The following HYDIN variants were observed in gnomAD, a reference collection of about 807,000 sequenced individuals.
HYDIN encodes HYDIN axonemal central pair apparatus protein, also known as axonemal central pair apparatus protein HYDIN.
In HYDIN, 132 loss-of-function variants were observed where a neutral mutation model predicts 403.9. The observed-to-expected ratio is 0.33, with a 90% CI of 0.28 to 0.38. The LOEUF is 0.38. Ranked by LOEUF, HYDIN falls within the 10% of genes least tolerant of loss-of-function variation. The pLI is 1.00. For synonymous variants in HYDIN, 1,202 were observed against 1,891.7 expected, an observed-to-expected ratio of 0.64 and a Z score of 9.46; for missense variants, 2,827 against 5,009.5, an observed-to-expected ratio of 0.56 and a Z score of 13.15.
chr16:71,027,828 C>T lies in HYDIN; in HGVS notation c.2816G>A (p.Arg939Gln), dbSNP rs1335089072. ...ATTCATCCAGAACAACTGTTGGATCCGACGTCCCTTGTTGATCAACTTAAA... is the reference window on the plus strand; with the variant it reads ...ATTCATCCAGAACAACTGTTGGATCTGACGTCCCTTGTTGATCAACTTAAA... ...YHFKLINKGR[R>Q]IQQLFWMNDS... The change falls in exon 20 of 86, where the codon CGG becomes CAG. Residue 939 changes from arginine to glutamine, a missense_variant. Coordinates refer to ENST00000393567, the MANE Select transcript of HYDIN (RefSeq NM_001270974.2). The T allele has an allele frequency of 1.5e-5, 13 of 856,590 alleles. No individual in the cohort carries two copies. The East Asian group carries it at 2.4e-4, about 16-fold the overall frequency. The allele number at this position is 856,590 out of a possible 1,614,324, so 53.1% of individuals were successfully genotyped here.
chr16:71,023,970 CA>C (rs2080592200), intron 21 of HYDIN, among the ~76,000 whole-genome samples: 2 of 152,328 alleles, frequency 1.3e-5, no homozygotes, highest in South Asian at 4.1e-4. Context: ...CAGCAAAGAT[CA>C]CACTGTGGGG....
rs191837117 is a variant in HYDIN, at chr16:70,951,357, T to C, written c.6531+1064A>G. ...TCCAGTCTTGGTTGGGCCATGATCA[T>C]TCCCAACTATTTATTCCTTGTCCAT... On this transcript the variant is annotated intron_variant, in intron 41 of 85. Transcript: ENST00000393567. Among the ~76,000 whole-genome samples, 10 of 151,442 alleles carry C rather than the reference T, an allele frequency of 6.6e-5. No individual in the cohort carries two copies. The East Asian group carries it at 2.0e-3, about 30-fold the overall frequency.
intron 1 of HYDIN, among the ~76,000 whole-genome samples, chr16:71,213,384 A>T (rs571838108): frequency 3.9e-5 from 6 of 152,308 alleles, no homozygotes; most frequent in Admixed American, 1.3e-4. Flanking sequence ...CAATATCAAC[A>T]TTTAAGTCAG....
At chr16:70,829,512 G>A in intron 81 of HYDIN, 106 bp downstream of exon 81, 2 of 821,730 alleles carry the variant, frequency 2.4e-6, no homozygotes, top group Non-Finnish European at 2.0e-6. Context: ...GGGATTACAG[G>A]CATGAGCCAC....
chr16:70,962,956 C>G (rs540499978), intron 37 of HYDIN, among the ~76,000 whole-genome samples: 12 of 151,538 alleles, frequency 7.9e-5, no homozygotes, highest in Non-Finnish European at 4.4e-5. Context: ...TGGGTTCCCT[C>G]TGCACCCACT....
In HYDIN at chr16:70,955,508, G is replaced by A. The variant is rs375756894; in HGVS notation, c.6183C>T (p.Asn2061=). 213 of 1,573,300 alleles carry A rather than the reference G, an allele frequency of 1.4e-4. No homozygotes were observed. The highest frequency in any genetic ancestry group is 6.8e-4 in the African/African-American group (50 of 73,520). ...ANAVSVAKYY[N]AACLSIDSIV... The stretch of plus-strand genomic sequence containing the variant: ...TGGAGTCGATGCTCAGGCAGGCTGC[G>A]TTGTAGTACTTGGCCACGCTAACGG... Residue 2061 remains asparagine, a synonymous_variant, in exon 40 of 86, where the codon AAC becomes AAT. Transcript: ENST00000393567.
intron 44 of HYDIN, among the ~76,000 whole-genome samples, chr16:70,937,121 A>C (rs574092780): frequency 1.3e-5 from 2 of 151,438 alleles, no homozygotes; most frequent in Non-Finnish European, 2.9e-5. Context: ...CATTTACTTC[A>C]TGGTGTGTGT....
chr16:71,068,013 T>C (rs1318671852), intron 14 of HYDIN, among the ~76,000 whole-genome samples: 1 of 151,402 alleles, frequency 6.6e-6, no homozygotes, highest in Non-Finnish European at 1.5e-5. Flanking sequence ...TCCAGCAAGT[T>C]GGAGTTAAGC....
At chr16:70,941,316 G>GT (rs1469234541) in intron 43 of HYDIN, 1 of 195,268 alleles carries the variant, frequency 5.1e-6, no homozygotes, top group Non-Finnish European at 1.0e-5. Flanking sequence ...TATTAGCACC[G>GT]TGAGTTTTAT....
chr16:71,055,947 C>T (rs562549621), intron 18 of HYDIN, among the ~76,000 whole-genome samples: 12 of 152,198 alleles, frequency 7.9e-5, no homozygotes, highest in Admixed American at 3.9e-4. Context: ...GGCATCTGTC[C>T]TCCAGCCCAG....
intron 39 of HYDIN, among the ~76,000 whole-genome samples, chr16:70,957,331 T>A (rs113544574): frequency 6.6e-6 from 1 of 150,576 alleles, no homozygotes; most frequent in East Asian, 1.9e-4. Flanking sequence ...CCTTCCTATT[T>A]TTTTTTTTTT....
At chr16:70,994,263 A>C (rs1306325956) in intron 23 of HYDIN, among the ~76,000 whole-genome samples, 11 of 101,050 alleles carry the variant, frequency 1.1e-4, no homozygotes, top group African/African-American at 3.9e-4. Flanking sequence ...GAATGGATGG[A>C]TGCATGGATG....
At chr16:71,107,382 G>A (rs976402615) in intron 10 of HYDIN, among the ~76,000 whole-genome samples, 6 of 151,020 alleles carry the variant, frequency 4.0e-5, no homozygotes, top group African/African-American at 1.5e-4. Context: ...ACTAAAGAGG[G>A]AAAACCCAAA....
At chr16:71,188,157 G>A (rs1005475633) in intron 1 of HYDIN, among the ~76,000 whole-genome samples, 4 of 152,170 alleles carry the variant, frequency 2.6e-5, no homozygotes, top group Non-Finnish European at 4.4e-5. Flanking sequence ...CCCAAGAAGA[G>A]GATTTCTATC....
chr16:71,101,752 T>C (rs558863667), intron 10 of HYDIN, among the ~76,000 whole-genome samples: 32 of 152,142 alleles, frequency 2.1e-4, no homozygotes, highest in Non-Finnish European at 3.8e-4. Flanking sequence ...GGTAGGAAAG[T>C]AGACTGGCAC....
Position 70,920,874 on chromosome 16 carries a change from G to C in HYDIN, c.7502C>G (p.Pro2501Arg). 6.2e-7 allele frequency: 1 copy of C among 1,607,726 alleles called. No individual in the cohort carries two copies. Among genetic ancestry groups the C allele is most frequent in the Non-Finnish European group, 8.5e-7 (1 of 1,176,682 alleles). The change falls in exon 46 of 86, where the codon CCC becomes CGC. Residue 2501 changes from proline to arginine, a missense_variant. Transcript: ENST00000393567. ...PHEPDDQRQV[P>R]LGGRRGRKDR... ...CTTGCGGCCCCTGCGCCCACCCAAGGGGACCTGGCGCTGGTCGTCGGGCTC... is the reference window on the plus strand; with the variant it reads ...CTTGCGGCCCCTGCGCCCACCCAAGCGGACCTGGCGCTGGTCGTCGGGCTC...
At position 70,901,695 on chromosome 16, in the gene HYDIN, C is replaced by T. The variant is rs1402621094; in HGVS notation, c.8850-493G>A. Among the ~76,000 whole-genome samples, 9 of 150,328 alleles carry T rather than the reference C, an allele frequency of 6.0e-5. No homozygotes were observed. The South Asian group carries it at 6.3e-4, about 11-fold the overall frequency. On this transcript the variant is annotated intron_variant, in intron 52 of 85. Transcript: ENST00000393567. ...CTGCCTCCCAGGCTCAAGCAATTCT[C>T]CTGCCTCAGCCTCCTGAGTAGCTGG... is the stretch of plus-strand genomic sequence containing the variant.
At chr16:70,990,430 A>G (rs2079312311) in intron 25 of HYDIN, among the ~76,000 whole-genome samples, 1 of 134,992 alleles carries the variant, frequency 7.4e-6, no homozygotes, top group African/African-American at 2.9e-5. Context: ...AAAAAAAAAA[A>G]AGCTTAGGTC....
At chr16:70,953,494 C>T in intron 40 of HYDIN, among the ~76,000 whole-genome samples, 1 of 152,092 alleles carries the variant, frequency 6.6e-6, no homozygotes, top group Non-Finnish European at 1.5e-5. Context: ...GGCTCTGGGG[C>T]CCTTTCCTTG....
Sources: gnomAD v4.1 joint callset for allele counts (sites outside exome capture counted in the v4.1 genomes callset) on GRCh38, gnomAD v4.1.1 for gene constraint, MANE v1.5 for transcripts, NCBI Gene and HGNC (gene_info 2026-07-23, HGNC 2026-07-21) for gene names.